The following TBX22 variants were observed in gnomAD, a reference collection of about 807,000 sequenced individuals.
TBX22 encodes the protein T-box transcription factor 22, also known as T-box transcription factor TBX22.
Under a neutral mutation model 30.1 loss-of-function variants are expected in TBX22, and 8 were observed. The observed-to-expected ratio is 0.27, with a 90% CI of 0.16 to 0.48. The LOEUF is 0.48. Among genes scored for constraint, TBX22 ranks in the 20% least tolerant of loss-of-function variants. The pLI is 0.99. For synonymous variants in TBX22, 173 were observed against 149.1 expected (o/e 1.16, Z -1.17); for missense variants, 463 against 400.5 (o/e 1.16, Z -1.33).
At chrX:80,025,952 T>C (rs185126190) in intron 5 of TBX22, among the ~76,000 whole-genome samples, 175 bp downstream of exon 5, 1 of 111,472 alleles carries the variant, frequency 9.0e-6, no homozygotes, top group East Asian at 2.8e-4. Context: ...GAAACGTTTG[T>C]TTAGCATCTG....
At chrX:80,027,593 G>T (rs1237009535) in intron 7 of TBX22, among the ~76,000 whole-genome samples, 1 of 111,451 alleles carries the variant, frequency 9.0e-6, no homozygotes, top group Non-Finnish European at 1.9e-5. Flanking sequence ...TGGTCAGGCT[G>T]GTCCTGAACA....
intron 4 of TBX22, among the ~76,000 whole-genome samples, chrX:80,024,561 G>T (rs769559299): frequency 8.1e-5 from 9 of 111,167 alleles, no homozygotes; most frequent in Non-Finnish European, 1.7e-4. Flanking sequence ...GGGAGCCTGG[G>T]CATCTGGGGA....
At chrX:80,025,809 G>A in intron 5 of TBX22, 32 bp downstream of exon 5, 2 of 1,163,415 alleles carry the variant, frequency 1.7e-6, no homozygotes, top group South Asian at 1.9e-5. Flanking sequence ...CCCCGAGGAG[G>A]GAGGTGCCAA....
chrX:80,023,138 A>G lies in TBX22; in HGVS notation c.254A>G (p.Glu85Gly). 1 of 1,211,639 alleles carries G rather than the reference A, an allele frequency of 8.3e-7. No homozygotes were observed. Among genetic ancestry groups the G allele is most frequent in the Middle Eastern group, 2.3e-4 (1 of 4,352 alleles). Residue 85 changes from glutamate to glycine, a missense_variant, in exon 3 of 9, where the codon GAA becomes GGA. Transcript: ENST00000373296. ...GSDSGYGNSS[E>G]SLEEKDIQME... ...GACAGCGGCTACGGCAACAGCTCTG[A>G]AAGTCTGGAAGAGAAAGATATTCAA...
rs1420893886 is a variant in TBX22 at position 80,026,664 on chromosome X, A to C, written c.634-40A>C. The C allele has an allele frequency of 2.5e-6, 3 of 1,199,780 alleles. No individual in the cohort carries two copies. The African/African-American group carries it at 5.3e-5, about 21-fold the overall frequency. ...GAGAGGGAACTAGGGTTTGGGACTG[A>C]AGCCAGTTTTTCTAACAGCATTGAT... is the stretch of plus-strand genomic sequence containing the variant. On this transcript the variant is annotated intron_variant, in intron 5 of 8. Transcript: ENST00000373296.
intron 5 of TBX22, among the ~76,000 whole-genome samples, chrX:80,025,979 G>C (rs1057189045): frequency 9.0e-6 from 1 of 111,391 alleles, no homozygotes; most frequent in Non-Finnish European, 1.9e-5. Context: ...TGGCGACTGG[G>C]GATGGTGAAT....
chrX:80,028,811 C>T (rs766609611), intron 8 of TBX22, among the ~76,000 whole-genome samples: 2 of 110,867 alleles, frequency 1.8e-5, no homozygotes, highest in East Asian at 2.8e-4. Context: ...TTCAAGGTTA[C>T]AATTGCCAAG....
At chrX:80,021,025 A>G (rs902500559) in intron 1 of TBX22, among the ~76,000 whole-genome samples, 1 of 111,659 alleles carries the variant, frequency 9.0e-6, no homozygotes, top group South Asian at 3.8e-4. Context: ...TCATATCTGC[A>G]TACGTAAACA....
Position 80,024,861 on chromosome X carries a change from TGG to T in TBX22, c.458+700_458+701del, listed in dbSNP as rs748232862. 2.8e-4 allele frequency among the ~76,000 whole-genome samples: 31 copies of T among 110,681 alleles called. No individual in the cohort carries two copies. In the East Asian group the frequency reaches 4.3e-3, roughly 15 times the overall value. On this transcript the variant is annotated intron_variant, in intron 4 of 8. Transcript: ENST00000373296. ...TTGCCAACACTTTGACTCAGGGGCT[TGG>T]GGTCCAGTTCAGGGTTGGAGGGGTT...
intron 8 of TBX22, 99 bp downstream of exon 8, chrX:80,028,175 G>T (rs375766699): frequency 2.8e-6 from 2 of 724,413 alleles, no homozygotes; most frequent in African/African-American, 4.3e-5. Context: ...ATATGTACAT[G>T]CAAGAAAATG....
chrX:80,027,960 G>A lies in TBX22; in HGVS notation c.864-31G>A, dbSNP rs745488452. ...TCATTATTTTCAGAAATTGCATTCTGGGGATGCTGAAAGTTGACTCTCTTT... is the reference window on the plus strand; with the variant it reads ...TCATTATTTTCAGAAATTGCATTCTAGGGATGCTGAAAGTTGACTCTCTTT... On this transcript the variant is annotated intron_variant, in intron 7 of 8. Transcript: ENST00000373296. 2.5e-5 allele frequency: 26 copies of A among 1,060,656 alleles called. No homozygotes were observed. Among genetic ancestry groups the A allele is most frequent in the Non-Finnish European group, 3.4e-5 (26 of 758,582 alleles). The allele number at this position is 1,060,656 out of a possible 1,213,427, so 87.4% of individuals were successfully genotyped here.
intron 1 of TBX22, among the ~76,000 whole-genome samples, chrX:80,020,715 C>T (rs1923652809): frequency 9.0e-6 from 1 of 111,593 alleles, no homozygotes; most frequent in Non-Finnish European, 1.9e-5. Flanking sequence ...ACTGCCATCA[C>T]AGTGGCAGGG....
chrX:80,015,298 G>A (rs754541070), intron 1 of TBX22, among the ~76,000 whole-genome samples: 1 of 112,146 alleles, frequency 8.9e-6, no homozygotes, highest in African/African-American at 3.2e-5. Flanking sequence ...AGGGACGGGA[G>A]TGCCTCCTGG....
rs1602414065 is a variant in TBX22, at chrX:80,030,655, G to A, written c.1107G>A (p.Leu369=). The change falls in exon 9 of 9, where the codon CTG becomes CTA. Residue 369 remains leucine (L), a synonymous_variant. Transcript: ENST00000373296. The stretch of plus-strand genomic sequence containing the variant: ...AGGCATACCTGCCCAATGTCAACCT[G>A]CCTCTATGCTACAAGATTTGTCCAA... ...CPEAYLPNVN[L]PLCYKICPTN... 8.3e-7 allele frequency: 1 copy of A among 1,211,551 alleles called. No individual in the cohort carries two copies. Among genetic ancestry groups the A allele is most frequent in the Non-Finnish European group, 1.1e-6 (1 of 895,427 alleles).
rs1202799129 is a variant in TBX22 at position 80,030,541 on chromosome X, C to T, written c.993C>T (p.Ala331=). The change falls in exon 9 of 9, where the codon GCC becomes GCT. Residue 331 remains alanine, a synonymous_variant. Transcript: ENST00000373296. The part of the protein sequence containing the change: ...GSSPVTSSGG[A]PSPLNSLLSP... ...CTCCAGTGACCTCTAGTGGAGGGGC[C>T]CCCTCTCCTTTGAACTCCTTACTTT... 5 of 1,210,276 alleles carry T rather than the reference C, an allele frequency of 4.1e-6. No homozygotes were observed. The highest frequency in any genetic ancestry group is 5.6e-6 in the Non-Finnish European group (5 of 894,442).
At position 80,023,210 on chromosome X, in the gene TBX22, G is replaced by A; in HGVS notation, c.326G>A (p.Gly109Glu). ...CTGTGGAAAAGATTCCATGACATCG[G>A]GACTGAGATGATCATTACTAAAGCG... Reference protein sequence around the residue: ...SELWKRFHDIGTEMIITKAGR... With the variant: ...SELWKRFHDIETEMIITKAGR... The change falls in exon 3 of 9, where the codon GGG becomes GAG. Residue 109 changes from glycine to glutamate, a missense_variant. Gly to Glu is a moderately conservative substitution (Grantham distance 98). Coordinates refer to ENST00000373296, the MANE Select transcript of TBX22 (RefSeq NM_001109878.2). 8.3e-7 allele frequency: 1 copy of A among 1,211,616 alleles called. No individual in the cohort carries two copies. Among genetic ancestry groups the A allele is most frequent in the Non-Finnish European group, 1.1e-6 (1 of 895,420 alleles).
At chrX:80,020,318 T>TA (rs60845888) in intron 1 of TBX22, among the ~76,000 whole-genome samples, 1 of 96,882 alleles carries the variant, frequency 1.0e-5, no homozygotes, top group African/African-American at 4.4e-5. Context: ...GATAGATAGA[T>TA]GATACATATA....
intron 6 of TBX22, 134 bp downstream of exon 6, chrX:80,027,002 C>T: frequency 1.4e-6 from 1 of 710,994 alleles, no homozygotes; most frequent in East Asian, 3.4e-5. Flanking sequence ...GTATTGTCAT[C>T]CATGCAAGTT....
In TBX22 at chrX:80,022,464, T is replaced by C. The variant is rs1923758644; in HGVS notation, c.175+20T>C. 8.6e-7 allele frequency: 1 copy of C among 1,161,918 alleles called. No individual in the cohort carries two copies. The highest frequency in any genetic ancestry group is 1.8e-5 in the African/African-American group (1 of 54,236). The stretch of plus-strand genomic sequence containing the variant: ...CGCTTGGTAAGTACTGCCATTGCCC[T>C]GAGCCCGTTGCCTGAGCTTACTGGT... On this transcript the variant is annotated intron_variant, in intron 2 of 8. Transcript: ENST00000373296.
Sources: gnomAD v4.1 joint callset for allele counts (sites outside exome capture counted in the v4.1 genomes callset) on GRCh38, gnomAD v4.1.1 for gene constraint, MANE v1.5 for transcripts, NCBI Gene and HGNC (gene_info 2026-07-23, HGNC 2026-07-21) for gene names.